CDC25C: variants seen among roughly 807,000 people sequenced by gnomAD.
The protein encoded by CDC25C is cell division cycle 25C.
A neutral mutation model predicts 52.5 loss-of-function variants in CDC25C; 48 were observed. The observed-to-expected ratio is 0.91, with a 90% confidence interval of 0.72 to 1.16. The LOEUF is 1.16. Among genes scored for constraint, CDC25C ranks in the 50% most tolerant of loss-of-function variants. The pLI is 0.00. For synonymous variants in CDC25C, 187 were observed against 206.5 expected (o/e 0.91, Z 0.81); for missense variants, 510 against 566.1 (o/e 0.90, Z 1.01).
At chr5:138,328,418 G>A in intron 4 of CDC25C, 66 bp downstream of exon 4, 1 of 1,450,790 alleles carries the variant, frequency 6.9e-7, no homozygotes, top group Non-Finnish European at 9.7e-7. Context: ...AGTCTGCACA[G>A]GATAAAATCT....
intron 8 of CDC25C, among the ~76,000 whole-genome samples, chr5:138,291,476 T>C (rs893530695): frequency 3.0e-4 from 46 of 150,952 alleles, no homozygotes; most frequent in African/African-American, 1.1e-3. Flanking sequence ...TGGAGTGCAG[T>C]GGCACAATCT....
chr5:138,308,609 A>T (rs1758212623), intron 7 of CDC25C, among the ~76,000 whole-genome samples: 2 of 152,110 alleles, frequency 1.3e-5, no homozygotes, highest in African/African-American at 4.8e-5. Context: ...ACTGCCCATT[A>T]TCAGCAAGTC....
chr5:138,298,665 G>A (rs1037870117), intron 7 of CDC25C, among the ~76,000 whole-genome samples: 2 of 151,916 alleles, frequency 1.3e-5, no homozygotes, highest in African/African-American at 4.8e-5. Flanking sequence ...CAGGAGAATC[G>A]CTTGAACCTG....
At chr5:138,293,158 A>G (rs772673947) in intron 7 of CDC25C, among the ~76,000 whole-genome samples, 8 of 152,316 alleles carry the variant, frequency 5.3e-5, no homozygotes, top group Non-Finnish European at 8.8e-5. Flanking sequence ...TCCACATTAT[A>G]CGTACCCTTA....
intron 7 of CDC25C, among the ~76,000 whole-genome samples, chr5:138,299,574 A>C (rs1757487955): frequency 6.6e-6 from 1 of 151,958 alleles, no homozygotes; most frequent in African/African-American, 2.4e-5. Context: ...TCAATGAAGA[A>C]ATCATAGGAA....
rs2126837378 is a variant in CDC25C, at chr5:138,328,492, T to G, written c.327A>C (p.Leu109Phe). 6.2e-7 allele frequency: 1 copy of G among 1,613,920 alleles called. No homozygotes were observed. The highest frequency in any genetic ancestry group is 8.5e-7 in the Non-Finnish European group (1 of 1,179,808). ...TTAACAACAGAACTTACATCCCAGCTAAATGCACTTCCTGAAGTCCTGAAG... is the reference window on the plus strand; with the variant it reads ...TTAACAACAGAACTTACATCCCAGCGAAATGCACTTCCTGAAGTCCTGAAG... Reference protein sequence around the residue: ...LDSSGLQEVHLAGMNHDQHLM... With the variant: ...LDSSGLQEVHFAGMNHDQHLM... The change falls in exon 4 of 14, where the codon TTA (leucine) becomes TTC (phenylalanine). Residue 109 changes from leucine to phenylalanine, a missense_variant. Leu to Phe is a conservative substitution (Grantham distance 22, BLOSUM62 0). Transcript: ENST00000323760.
intron 6 of CDC25C, among the ~76,000 whole-genome samples, chr5:138,322,566 C>T (rs1314590740): frequency 2.0e-5 from 3 of 148,332 alleles, no homozygotes; most frequent in Non-Finnish European, 4.5e-5. Context: ...AGCTCCGCCT[C>T]CCGGGTTCAC....
intron 7 of CDC25C, among the ~76,000 whole-genome samples, chr5:138,300,075 C>G (rs915313946): frequency 6.6e-6 from 1 of 151,976 alleles, no homozygotes; most frequent in South Asian, 2.1e-4. Context: ...TGGTGTGCAC[C>G]GGTAGTCTTA....
chr5:138,318,612 G>C (rs1196466365), intron 7 of CDC25C, among the ~76,000 whole-genome samples: 4 of 152,028 alleles, frequency 2.6e-5, no homozygotes, highest in Admixed American at 2.6e-4. Flanking sequence ...CTACTCGAGA[G>C]GCTGAGGCAG....
intron 6 of CDC25C, among the ~76,000 whole-genome samples, chr5:138,323,549 C>G (rs980562796): frequency 2.6e-5 from 4 of 151,716 alleles, no homozygotes; most frequent in Non-Finnish European, 4.4e-5. Context: ...TGGACTCAAG[C>G]AATCCTCTCA....
At chr5:138,330,927 C>G (rs553793251) in intron 2 of CDC25C, 60 bp downstream of exon 2, 1 of 1,239,010 alleles carries the variant, frequency 8.1e-7, no homozygotes, top group South Asian at 1.2e-5. Flanking sequence ...AACCAACAAA[C>G]AAACCCAACT....
intron 7 of CDC25C, among the ~76,000 whole-genome samples, chr5:138,316,209 A>AC: frequency 6.6e-6 from 1 of 151,712 alleles, no homozygotes; most frequent in Non-Finnish European, 1.5e-5. Flanking sequence ...CCTCCCCACC[A>AC]CCCCCATATC....
chr5:138,308,091 T>C (rs1300526892), intron 7 of CDC25C, among the ~76,000 whole-genome samples: 1 of 152,186 alleles, frequency 6.6e-6, no homozygotes, highest in African/African-American at 2.4e-5. Flanking sequence ...CTCGCTGGCC[T>C]GGCCCACCTC....
intron 7 of CDC25C, among the ~76,000 whole-genome samples, chr5:138,303,100 T>C (rs1424953720): frequency 6.6e-6 from 1 of 152,012 alleles, no homozygotes; most frequent in Non-Finnish European, 1.5e-5. Flanking sequence ...AAAAAACCTG[T>C]TCCTGCTAAA....
chr5:138,336,865 C>G (rs3756764), upstream of CDC25C: 38,100 of 151,954 alleles, frequency 0.25, 5,387 homozygotes, highest in East Asian at 0.56. Flanking sequence ...TTCCTCTACT[C>G]TTTTTCAGTT....
At chr5:138,325,043 C>T (rs984188490) in intron 6 of CDC25C, among the ~76,000 whole-genome samples, 2 of 152,138 alleles carry the variant, frequency 1.3e-5, no homozygotes, top group African/African-American at 4.8e-5. Flanking sequence ...GCACTCCAGC[C>T]TGGGCGATGG....
intron 7 of CDC25C, among the ~76,000 whole-genome samples, chr5:138,312,508 T>C (rs1316987757): frequency 1.3e-5 from 2 of 152,272 alleles, no homozygotes; most frequent in East Asian, 3.8e-4. Flanking sequence ...GGAATATTAT[T>C]CTGCCATAAA....
At chr5:138,322,594 G>C (rs1456009985) in intron 6 of CDC25C, among the ~76,000 whole-genome samples, 8 of 146,334 alleles carry the variant, frequency 5.5e-5, no homozygotes, top group African/African-American at 2.0e-4. Flanking sequence ...TCCTGCCTCA[G>C]CCTCCAGAGT....
intron 6 of CDC25C, among the ~76,000 whole-genome samples, chr5:138,321,579 C>T (rs954544334): frequency 7.9e-5 from 12 of 151,640 alleles, no homozygotes; most frequent in African/African-American, 2.7e-4. Context: ...TGGTGAAACC[C>T]CGTCTCTACT....
Sources: gnomAD v4.1 joint callset for allele counts (sites outside exome capture counted in the v4.1 genomes callset) on GRCh38, gnomAD v4.1.1 for gene constraint, MANE v1.5 for transcripts, NCBI Gene and HGNC (gene_info 2026-07-23, HGNC 2026-07-21) for gene names.